The following HECW2 variants were observed in gnomAD, a reference collection of about 807,000 sequenced individuals.
HECW2 encodes the protein HECT, C2 and WW domain containing E3 ubiquitin protein ligase 2, also known as E3 ubiquitin-protein ligase HECW2.
HECW2 carries 61 observed loss-of-function variants against 175.2 expected under a neutral mutation model. The observed-to-expected ratio is 0.35, with a 90% CI of 0.28 to 0.43. The LOEUF is 0.43. Among genes scored for constraint, HECW2 ranks in the 20% least tolerant of loss-of-function variants. The pLI, the probability that HECW2 is intolerant of heterozygous loss-of-function variation, is 1.00. For synonymous variants in HECW2, 671 were observed against 731.0 expected (o/e 0.92, Z 1.32); for missense variants, 1,524 against 2,000.5 (o/e 0.76, Z 4.54).
chr2:196,579,136 GTTGTT>G (rs1690670417), intron 1 of HECW2, among the ~76,000 whole-genome samples: 1 of 151,860 alleles, frequency 6.6e-6, no homozygotes, highest in Admixed American at 6.5e-5. Flanking sequence ...TCTGAACTAG[GTTGTT>G]TTAAGTAAAG....
chr2:196,228,371 G>T, intron 21 of HECW2, 117 bp from the exon 22 acceptor site: 1 of 904,292 alleles, frequency 1.1e-6, no homozygotes, highest in Non-Finnish European at 1.7e-6. Context: ...TTGTCCACAT[G>T]CCAGAGCTGT....
chr2:196,388,890 T>A (rs750122281), intron 2 of HECW2, among the ~76,000 whole-genome samples: 8 of 152,194 alleles, frequency 5.3e-5, no homozygotes, highest in Non-Finnish European at 4.4e-5. Flanking sequence ...TGCTGTTACA[T>A]AAATTAACTT....
At chr2:196,371,551 A>T (rs1399390396) in intron 2 of HECW2, among the ~76,000 whole-genome samples, 1 of 152,246 alleles carries the variant, frequency 6.6e-6, no homozygotes, top group Admixed American at 6.5e-5. Context: ...ATAGGTCTAG[A>T]AACTGACTGG....
chr2:196,300,830 A>G (rs1391852690), intron 13 of HECW2, among the ~76,000 whole-genome samples: 1 of 151,734 alleles, frequency 6.6e-6, no homozygotes, highest in East Asian at 1.9e-4. Context: ...AACATATACT[A>G]GAAAACTCAT....
intron 2 of HECW2, among the ~76,000 whole-genome samples, chr2:196,401,518 T>C (rs1193418499): frequency 6.6e-6 from 1 of 152,218 alleles, no homozygotes; most frequent in Non-Finnish European, 1.5e-5. Context: ...TACAATACTC[T>C]TCTGGAATTT....
At chr2:196,545,716 T>C (rs1465926174) in intron 1 of HECW2, among the ~76,000 whole-genome samples, 1 of 152,202 alleles carries the variant, frequency 6.6e-6, no homozygotes, top group Admixed American at 6.5e-5. Context: ...CTCTGCTCCA[T>C]TATACAATAA....
chr2:196,393,802 G>T (rs1224533681), intron 2 of HECW2, among the ~76,000 whole-genome samples: 1 of 152,104 alleles, frequency 6.6e-6, no homozygotes, highest in Non-Finnish European at 1.5e-5. Flanking sequence ...CCCATTACTG[G>T]GTATATACCC....
chr2:196,312,011 C>T (rs562641818), intron 10 of HECW2, among the ~76,000 whole-genome samples: 37 of 152,136 alleles, frequency 2.4e-4, no homozygotes, highest in Non-Finnish European at 4.4e-4. Flanking sequence ...GCAGGTAGAA[C>T]GTAAGGTCTT....
chr2:196,548,190 G>A (rs1295702594), intron 1 of HECW2, among the ~76,000 whole-genome samples: 2 of 151,832 alleles, frequency 1.3e-5, no homozygotes, highest in Admixed American at 6.6e-5. Context: ...AAGCCAGGCT[G>A]TGGTGGTTGC....
intron 1 of HECW2, among the ~76,000 whole-genome samples, chr2:196,587,129 C>G (rs1004769503): frequency 6.6e-6 from 1 of 152,206 alleles, no homozygotes; most frequent in South Asian, 2.1e-4. Flanking sequence ...GAATTATAAT[C>G]TCTTACCTAC....
chr2:196,556,057 T>C (rs1689781281), intron 1 of HECW2, among the ~76,000 whole-genome samples: 1 of 152,234 alleles, frequency 6.6e-6, no homozygotes. Context: ...TAGACATTTT[T>C]ATTTTACTAT....
chr2:196,523,870 C>A (rs1260860026), intron 1 of HECW2, among the ~76,000 whole-genome samples: 1 of 152,024 alleles, frequency 6.6e-6, no homozygotes, highest in Non-Finnish European at 1.5e-5. Context: ...CTGCTGGATT[C>A]GTTTTGCCAG....
At chr2:196,519,436 T>A (rs1451128076) in intron 1 of HECW2, among the ~76,000 whole-genome samples, 3 of 152,228 alleles carry the variant, frequency 2.0e-5, no homozygotes, top group East Asian at 3.8e-4. Context: ...AATATCAGCA[T>A]GGTAACCCGT....
At chr2:196,382,227 GTGTATATA>G (rs771485713) in intron 2 of HECW2, among the ~76,000 whole-genome samples, 4 of 134,318 alleles carry the variant, frequency 3.0e-5, no homozygotes, top group African/African-American at 1.3e-4. Flanking sequence ...GTGTGTGTGT[GTGTATATA>G]TATATATATA....
chr2:196,485,684 G>A (rs558852907), intron 1 of HECW2, among the ~76,000 whole-genome samples: 20 of 152,298 alleles, frequency 1.3e-4, no homozygotes, highest in African/African-American at 4.3e-4. Context: ...CAAGGGGACC[G>A]AGGAAGGCGT....
At chr2:196,311,069 G>C (rs1008983312) in intron 10 of HECW2, among the ~76,000 whole-genome samples, 2 of 152,132 alleles carry the variant, frequency 1.3e-5, no homozygotes, top group East Asian at 1.9e-4. Context: ...TGAGGGACAG[G>C]GCTCCACAAA....
intron 17 of HECW2, among the ~76,000 whole-genome samples, chr2:196,268,806 G>T (rs1009692879): frequency 1.3e-5 from 2 of 152,170 alleles, no homozygotes; most frequent in Admixed American, 1.3e-4. Context: ...TTTGTGATTA[G>T]CAAAAGAGGA....
intron 2 of HECW2, among the ~76,000 whole-genome samples, chr2:196,350,930 G>T (rs1360110562): frequency 6.6e-6 from 1 of 152,186 alleles, no homozygotes; most frequent in Admixed American, 6.5e-5. Flanking sequence ...CCTTTGAGAA[G>T]TCTACAAATC....
chr2:196,336,184 C>T (rs1692544375), intron 3 of HECW2, among the ~76,000 whole-genome samples: 1 of 152,172 alleles, frequency 6.6e-6, no homozygotes, highest in Admixed American at 6.5e-5. Context: ...TATTACTTTG[C>T]CTCCCTGAGA....
Sources: gnomAD v4.1 joint callset for allele counts (sites outside exome capture counted in the v4.1 genomes callset) on GRCh38, gnomAD v4.1.1 for gene constraint, MANE v1.5 for transcripts, NCBI Gene and HGNC (gene_info 2026-07-23, HGNC 2026-07-21) for gene names.